The following NOL4 variants were observed in gnomAD, a reference collection of about 807,000 sequenced individuals.
The protein encoded by NOL4 is cancer/testis antigen 125.
NOL4 carries 17 observed loss-of-function variants against 75.9 expected under a neutral mutation model. The ratio of observed to expected loss-of-function variants is 0.22; its 90% CI spans 0.15 to 0.34. NOL4 has a LOEUF of 0.34. Ranked by LOEUF, NOL4 falls within the 10% of genes least tolerant of loss-of-function variation. NOL4 has a pLI of 1.00. For synonymous variants in NOL4, 292 were observed against 289.9 expected, an observed-to-expected ratio of 1.01 and a Z score of -0.07; for missense variants, 614 against 793.5, an observed-to-expected ratio of 0.77 and a Z score of 2.72.
At chr18:34,203,717 T>TCTCTCTCACACACACACACA in intron 1 of NOL4, among the ~76,000 whole-genome samples, 1 of 72,302 alleles carries the variant, frequency 1.4e-5, no homozygotes, top group East Asian at 5.0e-4. Context: ...TCTCTCTCTC[T>TCTCTCTCACACACACACACA]CACACACACA....
At chr18:33,958,796 T>G (rs1350424196) in intron 6 of NOL4, among the ~76,000 whole-genome samples, 14 of 152,140 alleles carry the variant, frequency 9.2e-5, no homozygotes, top group Admixed American at 9.2e-4. Context: ...GAACTTAATA[T>G]GACCTCAGAG....
intron 1 of NOL4, among the ~76,000 whole-genome samples, chr18:34,215,660 T>G (rs1468981394): frequency 6.6e-6 from 1 of 152,158 alleles, no homozygotes; most frequent in Non-Finnish European, 1.5e-5. Flanking sequence ...AAGAAAAATG[T>G]GTTTCTAGAC....
intron 5 of NOL4, among the ~76,000 whole-genome samples, chr18:34,030,765 A>G (rs187190524): frequency 6.6e-6 from 1 of 152,262 alleles, no homozygotes. Context: ...GGATATACTA[A>G]TTACTCTGAT....
chr18:34,165,158 G>C (rs2073360019), intron 1 of NOL4, among the ~76,000 whole-genome samples: 1 of 151,582 alleles, frequency 6.6e-6, no homozygotes, highest in Non-Finnish European at 1.5e-5. Flanking sequence ...GAGTTAATGG[G>C]TGCAGCACAA....
At chr18:34,154,033 T>A (rs2029882884) in intron 1 of NOL4, among the ~76,000 whole-genome samples, 1 of 152,078 alleles carries the variant, frequency 6.6e-6, no homozygotes, top group Non-Finnish European at 1.5e-5. Context: ...GAGTCAGACA[T>A]GTGTCCAGCT....
At position 33,994,907 on chromosome 18, in the gene NOL4, G is replaced by A. The variant is rs532166242; in HGVS notation, c.1056+24411C>T. 5.3e-5 allele frequency among the ~76,000 whole-genome samples: 8 copies of A among 151,596 alleles called. No homozygotes were observed. In the East Asian group the frequency reaches 1.6e-3, roughly 29 times the overall value. ...GACAAAACTTTAGTAGATCAACAATGAAAAGAAAGAAAAACTAATGTTCCA... is the reference window on the plus strand; with the variant it reads ...GACAAAACTTTAGTAGATCAACAATAAAAAGAAAGAAAAACTAATGTTCCA... On this transcript the variant is annotated intron_variant, in intron 6 of 10. Coordinates refer to ENST00000261592, the MANE Select transcript of NOL4 (RefSeq NM_003787.5).
intron 8 of NOL4, among the ~76,000 whole-genome samples, chr18:33,944,033 GT>G (rs5823930): frequency 0.31 from 46,986 of 151,332 alleles, 7,632 homozygotes; most frequent in Non-Finnish European, 0.36. Flanking sequence ...TAATATAGAA[GT>G]TTTTTTTAAA....
intron 5 of NOL4, among the ~76,000 whole-genome samples, chr18:34,034,926 A>T (rs1439142237): frequency 2.0e-5 from 3 of 152,190 alleles, no homozygotes; most frequent in Non-Finnish European, 4.4e-5. Context: ...ATATATAGGC[A>T]CCCAACACTG....
intron 5 of NOL4, among the ~76,000 whole-genome samples, chr18:34,069,090 C>T (rs2077403102): frequency 6.6e-6 from 1 of 151,994 alleles, no homozygotes; most frequent in South Asian, 2.1e-4. Context: ...TTGAAATTAA[C>T]ATGTCTGGGC....
intron 1 of NOL4, among the ~76,000 whole-genome samples, chr18:34,187,260 G>T (rs1424839587): frequency 6.6e-6 from 1 of 151,382 alleles, no homozygotes; most frequent in East Asian, 1.9e-4. Context: ...TTTCCAGAGT[G>T]TCAGATAATT....
rs187611099 is a variant in NOL4 at position 33,993,999 on chromosome 18, G to T, written c.1056+25319C>A. Among the ~76,000 whole-genome samples the T allele has an allele frequency of 2.4e-3, 371 of 151,754 alleles. 1 individual carries two copies. Among genetic ancestry groups the T allele is most frequent in the African/African-American group, 8.2e-3 (341 of 41,506 alleles). Reference sequence around the variant, plus strand: ...TATAGAAACCATAAAAGGTTGAGTGGCTACATTAATATAAGACAAAATAGA... The same window carrying T: ...TATAGAAACCATAAAAGGTTGAGTGTCTACATTAATATAAGACAAAATAGA... On this transcript the variant is annotated intron_variant, in intron 6 of 10. Transcript: ENST00000261592.
chr18:34,065,029 T>C (rs1271653877), intron 5 of NOL4, among the ~76,000 whole-genome samples: 2 of 151,804 alleles, frequency 1.3e-5, no homozygotes, highest in African/African-American at 4.8e-5. Context: ...AAACAATCTA[T>C]AGAAATGTTT....
intron 1 of NOL4, among the ~76,000 whole-genome samples, chr18:34,167,283 G>A (rs566014635): frequency 3.6e-4 from 54 of 151,878 alleles, no homozygotes; most frequent in Non-Finnish European, 5.9e-4. Flanking sequence ...AGGGAATACC[G>A]TATAACGTTC....
intron 2 of NOL4, among the ~76,000 whole-genome samples, chr18:34,105,530 C>A (rs968806270): frequency 2.6e-5 from 4 of 151,852 alleles, no homozygotes; most frequent in African/African-American, 9.7e-5. Flanking sequence ...AAATTTGTAT[C>A]CAATTTTAAA....
chr18:34,158,264 A>G (rs1160636550), intron 1 of NOL4, among the ~76,000 whole-genome samples: 1 of 152,196 alleles, frequency 6.6e-6, no homozygotes, highest in African/African-American at 2.4e-5. Flanking sequence ...TATGGCTGGC[A>G]ATTCAAGATC....
intron 10 of NOL4, among the ~76,000 whole-genome samples, chr18:33,882,565 G>A (rs1247375050): frequency 1.3e-5 from 2 of 150,172 alleles, no homozygotes; most frequent in Non-Finnish European, 3.0e-5. Flanking sequence ...AACAGGTGCT[G>A]GAGAGGATGT....
rs1289467598 is a variant in NOL4 at position 33,851,276 on chromosome 18, T to C, written c.*1566A>G. The C allele has an allele frequency of 1.3e-5, 2 of 152,474 alleles. No individual in the cohort carries two copies. The highest frequency in any genetic ancestry group is 2.4e-5 in the African/African-American group (1 of 41,430). 9.4% of individuals were successfully genotyped at this position (152,474 alleles called of 1,614,324 possible). ...TTTCAATAAGATTTTTCACATTATA[T>C]TCACCAACAGTATCACAAAAGTTTT... On this transcript the variant is annotated 3_prime_UTR_variant, in exon 11 of 11. Coordinates refer to ENST00000261592, the MANE Select transcript of NOL4 (RefSeq NM_003787.5).
intron 1 of NOL4, among the ~76,000 whole-genome samples, chr18:34,135,521 C>A (rs984536481): frequency 6.6e-6 from 1 of 151,564 alleles, no homozygotes; most frequent in Admixed American, 6.6e-5. Flanking sequence ...TACAGTGAAA[C>A]CCTGTCTCTA....
At chr18:34,122,207 G>A (rs796338378) in intron 2 of NOL4, among the ~76,000 whole-genome samples, 12 of 152,232 alleles carry the variant, frequency 7.9e-5, no homozygotes, top group African/African-American at 2.9e-4. Context: ...AGGAAAATGA[G>A]GGTGGAGGGG....
Sources: allele counts gnomAD v4.1 joint callset (sites outside exome capture counted in the v4.1 genomes callset), GRCh38; gene constraint gnomAD v4.1.1; transcripts MANE v1.5; gene names NCBI Gene and HGNC (gene_info 2026-07-23, HGNC 2026-07-21).